The following LMO7 variants were observed in gnomAD, a reference collection of about 807,000 sequenced individuals.
LMO7 encodes LIM domain only protein 7.
LMO7 carries 120 observed loss-of-function variants against 206.5 expected under a neutral mutation model. The ratio of observed to expected loss-of-function variants is 0.58; its 90% CI spans 0.50 to 0.68. The LOEUF (loss-of-function observed/expected upper bound fraction) is 0.68. Ranked by LOEUF, LMO7 falls within the 30% of genes least tolerant of loss-of-function variation. LMO7 has a pLI of 0.00. For synonymous variants in LMO7, 706 were observed against 681.5 expected (o/e 1.04, Z -0.56); for missense variants, 1,959 against 1,957.9 (o/e 1.00, Z -0.01).
chr13:75,846,437 G>A (rs1238472563), intron 26 of LMO7, among the ~76,000 whole-genome samples: 2 of 152,128 alleles, frequency 1.3e-5, no homozygotes, highest in African/African-American at 2.4e-5. Flanking sequence ...GTACTTTTCT[G>A]ATCTGGTTCC....
At chr13:75,712,560 G>C (rs977847304) in intron 1 of LMO7, among the ~76,000 whole-genome samples, 5 of 152,128 alleles carry the variant, frequency 3.3e-5, no homozygotes, top group African/African-American at 1.2e-4. Flanking sequence ...AATTCCTTAA[G>C]TTGGGAATTG....
At chr13:75,741,809 G>A (rs137929919) in intron 3 of LMO7, among the ~76,000 whole-genome samples, 3 of 152,268 alleles carry the variant, frequency 2.0e-5, no homozygotes, top group African/African-American at 7.2e-5. Flanking sequence ...CATTGCCCTT[G>A]AAAATTGATA....
chr13:75,638,659 T>C (rs9573597), intron 1 of LMO7, among the ~76,000 whole-genome samples: 1 of 152,000 alleles, frequency 6.6e-6, no homozygotes, highest in East Asian at 1.9e-4. Flanking sequence ...ACTTTTAGTA[T>C]ACTCTGGGCA....
chr13:75,697,765 G>A (rs2042006200), intron 1 of LMO7, among the ~76,000 whole-genome samples: 1 of 152,120 alleles, frequency 6.6e-6, no homozygotes, highest in African/African-American at 2.4e-5. Flanking sequence ...TCCAATAAGT[G>A]GAAATAAAAT....
chr13:75,788,041 C>T (rs1371231815), intron 4 of LMO7, among the ~76,000 whole-genome samples: 2 of 152,164 alleles, frequency 1.3e-5, no homozygotes, highest in Non-Finnish European at 2.9e-5. Context: ...GAACAAGAAG[C>T]CAGTACCTGA....
At chr13:75,663,143 ATC>A (rs905034786) in intron 1 of LMO7, among the ~76,000 whole-genome samples, 4 of 151,558 alleles carry the variant, frequency 2.6e-5, no homozygotes, top group East Asian at 1.9e-4. Flanking sequence ...TTTACTATAA[ATC>A]TCTCTCTCTA....
At chr13:75,630,375 A>G (rs1355066858) in intron 2 of LMO7, among the ~76,000 whole-genome samples, 1 of 152,248 alleles carries the variant, frequency 6.6e-6, no homozygotes, top group Non-Finnish European at 1.5e-5. Flanking sequence ...TCCACTTGGA[A>G]ATAGCCACTG....
chr13:75,673,454 C>T (rs1255857346), intron 1 of LMO7, among the ~76,000 whole-genome samples: 1 of 152,118 alleles, frequency 6.6e-6, no homozygotes, highest in Non-Finnish European at 1.5e-5. Flanking sequence ...ACCCTTTAAT[C>T]TTACCCTTTC....
intron 2 of LMO7, among the ~76,000 whole-genome samples, chr13:75,718,857 C>T (rs541447080): frequency 2.0e-3 from 300 of 152,250 alleles, no homozygotes; most frequent in Middle Eastern, 3.4e-3. Context: ...ATGATTTTGG[C>T]TTTTCCAGAA....
chr13:75,781,654 G>T (rs60815247), intron 4 of LMO7, among the ~76,000 whole-genome samples: 9,449 of 140,266 alleles, frequency 0.067, 547 homozygotes, highest in Admixed American at 0.15. Flanking sequence ...GTAATGGGAT[G>T]GTTGGGTCAA....
At chr13:75,771,134 A>T (rs1017597939) in intron 4 of LMO7, among the ~76,000 whole-genome samples, 3 of 151,888 alleles carry the variant, frequency 2.0e-5, no homozygotes, top group African/African-American at 4.8e-5. Flanking sequence ...ATGATCTAAA[A>T]TTTTTTTTCT....
chr13:75,650,764 C>T (rs2037478191), intron 1 of LMO7, among the ~76,000 whole-genome samples: 1 of 152,044 alleles, frequency 6.6e-6, no homozygotes, highest in Admixed American at 6.5e-5. Context: ...ATGGCTTTGT[C>T]TCAGCTATTA....
intron 3 of LMO7, among the ~76,000 whole-genome samples, chr13:75,751,346 G>A (rs1224464945): frequency 6.6e-6 from 1 of 151,776 alleles, no homozygotes; most frequent in African/African-American, 2.4e-5. Context: ...ATTTTTAGTA[G>A]AGACAGGGTT....
At chr13:75,621,753 T>A (rs1338076793) in exon 1 of LMO7, 5 of 1,612,918 alleles carry the variant, frequency 3.1e-6, no homozygotes, top group Non-Finnish European at 4.2e-6. Flanking sequence ...CCTATGATGT[T>A]CTCTTCCAGA....
intron 1 of LMO7, among the ~76,000 whole-genome samples, chr13:75,701,416 T>A (rs535652164): frequency 3.9e-5 from 6 of 152,326 alleles, no homozygotes; most frequent in Non-Finnish European, 7.3e-5. Flanking sequence ...TTTCCCAAAA[T>A]GAATGTGATC....
chr13:75,657,641 T>C (rs1451427881), intron 1 of LMO7, among the ~76,000 whole-genome samples: 5 of 152,242 alleles, frequency 3.3e-5, no homozygotes, highest in Non-Finnish European at 7.3e-5. Context: ...GACCAACTTA[T>C]GGTTTTTAAA....
At chr13:75,705,821 A>C (rs2042609840) in intron 1 of LMO7, among the ~76,000 whole-genome samples, 1 of 151,680 alleles carries the variant, frequency 6.6e-6, no homozygotes, top group African/African-American at 2.4e-5. Context: ...ACCTACTTTC[A>C]CTATGTTTTG....
chr13:75,707,496 C>T (rs1258087302), intron 1 of LMO7, among the ~76,000 whole-genome samples: 1 of 151,936 alleles, frequency 6.6e-6, no homozygotes, highest in Non-Finnish European at 1.5e-5. Flanking sequence ...GTAATTGTTG[C>T]TATTTATTCT....
intron 27 of LMO7, among the ~76,000 whole-genome samples, chr13:75,851,007 T>G (rs2060457038): frequency 6.6e-6 from 1 of 152,184 alleles, no homozygotes; most frequent in African/African-American, 2.4e-5. Context: ...CCCCATGGCA[T>G]GGGACCTGGG....
Sources: allele counts gnomAD v4.1 joint callset (sites outside exome capture counted in the v4.1 genomes callset), GRCh38; gene constraint gnomAD v4.1.1; transcripts MANE v1.5; gene names NCBI Gene and HGNC (gene_info 2026-07-23, HGNC 2026-07-21).